PACS2: variants seen among roughly 807,000 people sequenced by gnomAD.
PACS2 encodes phosphofurin acidic cluster sorting protein 2.
PACS2 carries 36 observed loss-of-function variants against 113.0 expected under a neutral mutation model. That is an observed-to-expected ratio of 0.32 (90% CI 0.24 to 0.42). PACS2 has a LOEUF of 0.42. PACS2 is among the 10% of genes least tolerant of loss of function. PACS2 has a pLI of 1.00. For missense variants in PACS2, 1,015 were observed against 1,239.5 expected, an observed-to-expected ratio of 0.82 and a Z score of 2.72; for synonymous variants, 589 against 536.1, an observed-to-expected ratio of 1.10 and a Z score of -1.36.
rs1380831190 is a variant in PACS2, at chr14:105,315,281, T to C, written c.119+244T>C. On this transcript the variant is annotated intron_variant, in intron 1 of 24. Transcript: ENST00000447393. The surrounding 1 kb of genome is among the most constrained non-coding windows in gnomAD (Gnocchi z 4.4). ...TCAGCTTCCGAGGACCCGGTGCTGC[T>C]CAGACCCGGCGGGACCTTGGGGCTC... is the stretch of plus-strand genomic sequence containing the variant. 6.2e-6 allele frequency: 1 copy of C among 160,488 alleles called. No homozygotes were observed. Among genetic ancestry groups the C allele is most frequent in the Non-Finnish European group, 1.3e-5 (1 of 74,492 alleles). 9.9% of individuals were successfully genotyped at this position (160,488 alleles called of 1,614,324 possible). A position where few individuals can be genotyped will look rare whatever the true frequency, so the allele number is the denominator to read the frequency against.
chr14:105,302,624 C>T (rs1304479511), intron 1 of PACS2, among the ~76,000 whole-genome samples: 1 of 151,958 alleles, frequency 6.6e-6, no homozygotes, highest in Non-Finnish European at 1.5e-5. Context: ...CTCATTCTGT[C>T]ACCCAAGGTG....
At chr14:105,367,184 C>G (rs1566945698) in intron 4 of PACS2, 29 bp from the exon 5 acceptor site, 1 of 1,602,574 alleles carries the variant, frequency 6.2e-7, no homozygotes, top group Non-Finnish European at 8.5e-7. Flanking sequence ...CGTCGTGCTG[C>G]TTTCTAGAAC....
intron 21 of PACS2, 121 bp downstream of exon 21, chr14:105,391,370 C>G (rs1395336580): frequency 2.6e-6 from 2 of 782,266 alleles, no homozygotes; most frequent in Non-Finnish European, 4.4e-6. Flanking sequence ...ACGTCCCAGT[C>G]TTGCTGTGGT....
At position 105,367,101 on chromosome 14, in the gene PACS2, C is replaced by T. The variant is rs189699905; in HGVS notation, c.424-112C>T. ...CCCTGTGGCTGCCCTGCTGAGGGTC[C>T]CCCTTGCTGTCACTGAGAGAGAAAG... On this transcript the variant is annotated intron_variant, in intron 4 of 24. Transcript: ENST00000447393. The T allele has an allele frequency of 4.6e-4, 435 of 946,604 alleles. 1 individual carries two copies. The highest frequency in any genetic ancestry group is 2.8e-3 in the Admixed American group (121 of 42,834). The allele number at this position is 946,604 out of a possible 1,614,324, so 58.6% of individuals were successfully genotyped here. A position where few individuals can be genotyped will look rare whatever the true frequency, so the allele number is the denominator to read the frequency against.
intron 1 of PACS2, among the ~76,000 whole-genome samples, chr14:105,342,985 C>T (rs2059791567): frequency 6.6e-6 from 1 of 151,134 alleles, no homozygotes; most frequent in African/African-American, 2.4e-5. Flanking sequence ...TCACCCCTCA[C>T]ACCTTTTTTC....
chr14:105,384,821 C>G (rs782572751), intron 17 of PACS2, 58 bp from the exon 18 acceptor site: 13 of 1,173,278 alleles, frequency 1.1e-5, no homozygotes, highest in East Asian at 2.6e-5. Context: ...CCAGCTTAGC[C>G]CCGCCTGCAA....
intron 1 of PACS2, among the ~76,000 whole-genome samples, chr14:105,321,677 T>C (rs1187551438): frequency 6.6e-6 from 1 of 152,024 alleles, no homozygotes; most frequent in Non-Finnish European, 1.5e-5. Context: ...TAATATATTT[T>C]TGAGGCTATG....
intron 22 of PACS2, 175 bp downstream of exon 22, chr14:105,391,941 A>G (rs2081373548): frequency 3.2e-6 from 2 of 617,420 alleles, no homozygotes; most frequent in Middle Eastern, 2.6e-4. Flanking sequence ...CCTGCCACAG[A>G]TCTGGTGTTT....
chr14:105,339,196 G>A (rs587604787), intron 1 of PACS2, among the ~76,000 whole-genome samples: 3 of 152,276 alleles, frequency 2.0e-5, no homozygotes, highest in Non-Finnish European at 4.4e-5. Flanking sequence ...CACTCAGAGC[G>A]AGACCAGGTG....
At chr14:105,362,069 G>GC (rs2060707463) in intron 4 of PACS2, among the ~76,000 whole-genome samples, 1 of 149,604 alleles carries the variant, frequency 6.7e-6, no homozygotes, top group Admixed American at 6.7e-5. Flanking sequence ...GTTGTAGTGA[G>GC]CGAGATCGCA....
chr14:105,383,068 C>T (rs2081048788), intron 15 of PACS2, 155 bp downstream of exon 15: 1 of 630,730 alleles, frequency 1.6e-6, no homozygotes, highest in Middle Eastern at 2.6e-4. Context: ...CGCAGCCTGG[C>T]CTCCCCTCAG....
At chr14:105,321,265 T>G (rs182188589) in intron 1 of PACS2, among the ~76,000 whole-genome samples, 4 of 152,342 alleles carry the variant, frequency 2.6e-5, no homozygotes, top group Admixed American at 1.3e-4. Flanking sequence ...GGTCTTCAAG[T>G]CCGTTCCCTT....
chr14:105,313,198 C>T (rs587676138), upstream of PACS2, among the ~76,000 whole-genome samples: 72 of 152,362 alleles, frequency 4.7e-4, 1 homozygote, highest in African/African-American at 1.6e-3. Context: ...GCCCATCCGT[C>T]TGACTGCAAC....
chr14:105,383,108 G>A lies in PACS2; in HGVS notation c.1625+195G>A. ...GGGCGGGAGCAGCAGCCTGGTGGGT[G>A]TCCTGCCACACTGGAGTGGTGGCCT... On this transcript the variant is annotated intron_variant, in intron 15 of 24. Coordinates refer to ENST00000447393, the MANE Select transcript of PACS2 (RefSeq NM_001100913.3). The A allele has an allele frequency of 1.4e-5, 9 of 623,726 alleles. 2 individuals carry two copies. Among genetic ancestry groups the A allele is most frequent in the South Asian group, 1.1e-4 (6 of 53,092 alleles). The allele number at this position is 623,726 out of a possible 1,614,324, so 38.6% of individuals were successfully genotyped here. A position where few individuals can be genotyped will look rare whatever the true frequency, so the allele number is the denominator to read the frequency against.
rs2080805809 is a variant in PACS2, at chr14:105,376,957, A to G, written c.959+32A>G. On this transcript the variant is annotated intron_variant, in intron 9 of 24. Transcript: ENST00000447393. This position sits in a 1 kb window ranked among gnomAD's most constrained non-coding sequence, Gnocchi z 4.7. Reference sequence around the variant, plus strand: ...CCTACAGGGCGGGGCGGGGAGGAACAGCCATTTCAGATGCCCCGGCCACTC... The same window carrying G: ...CCTACAGGGCGGGGCGGGGAGGAACGGCCATTTCAGATGCCCCGGCCACTC... The G allele has an allele frequency of 6.4e-7, 1 of 1,554,926 alleles. No individual in the cohort carries two copies. The highest frequency in any genetic ancestry group is 1.4e-5 in the African/African-American group (1 of 72,560).
Position 105,392,801 on chromosome 14 carries a change from C to T in PACS2, c.2438C>T (p.Pro813Leu). The change falls in exon 23 of 25, where the codon CCC (proline) becomes CTC (leucine). Residue 813 changes from proline (P) to leucine (L), a missense_variant. Physicochemically the swap from Pro to Leu is moderately conservative, Grantham distance 98 (BLOSUM62 -3). Coordinates refer to ENST00000447393, the MANE Select transcript of PACS2 (RefSeq NM_001100913.3). ...AGCAGCGGCGAGGCTGCAGCCACGC[C>T]CACCATGTCCATGACCGTGGTCACC... ...LPSSGEAAAT[P>L]TMSMTVVTKE... The T allele has an allele frequency of 6.2e-7, 1 of 1,608,804 alleles. No homozygotes were observed. The highest frequency in any genetic ancestry group is 1.7e-5 in the Admixed American group (1 of 60,024).
chr14:105,391,137 G>C (rs587715713), intron 20 of PACS2, 70 bp from the exon 21 acceptor site: 1 of 1,215,610 alleles, frequency 8.2e-7, no homozygotes, highest in Non-Finnish European at 1.2e-6. Context: ...GGAGGCGGGA[G>C]CCCCACTGGG....
chr14:105,393,630 C>T (rs1179879627), intron 24 of PACS2: 1 of 302,704 alleles, frequency 3.3e-6, no homozygotes, highest in Non-Finnish European at 6.1e-6. Context: ...GCTCTTGTTA[C>T]CCAGGCTGGA....
Position 105,329,202 on chromosome 14 carries a change from G to A in PACS2, c.119+14165G>A, listed in dbSNP as rs587672683. On this transcript the variant is annotated intron_variant, in intron 1 of 24. Coordinates refer to ENST00000447393, the MANE Select transcript of PACS2 (RefSeq NM_001100913.3). The surrounding 1 kb of genome is among the most constrained non-coding windows in gnomAD (Gnocchi z 6.4). ...GCAGCTGTGGAGCGAGGGTGTGTAC[G>A]GGAGCAGGATGGGCTGCACAGAAGC... Among the ~76,000 whole-genome samples, 10 of 152,282 alleles carry A rather than the reference G, an allele frequency of 6.6e-5. No homozygotes were observed. The highest frequency in any genetic ancestry group is 1.0e-4 in the Non-Finnish European group (7 of 68,016).
Sources: gnomAD v4.1 joint callset for allele counts (sites outside exome capture counted in the v4.1 genomes callset) on GRCh38, gnomAD v4.1.1 for gene constraint, Gnocchi (gnomAD v3.1) non-coding constraint, MANE v1.5 for transcripts, NCBI Gene and HGNC (gene_info 2026-07-23, HGNC 2026-07-21) for gene names.